The following PARD3 variants were observed in gnomAD, a reference collection of about 807,000 sequenced individuals.
The protein encoded by PARD3 is partitioning defective 3 homolog.
A neutral mutation model predicts 155.4 loss-of-function variants in PARD3; 75 were observed. The ratio of observed to expected loss-of-function variants is 0.48; its 90% CI spans 0.40 to 0.58. The LOEUF is 0.58. Among genes scored for constraint, PARD3 ranks in the 20% least tolerant of loss-of-function variants. PARD3 has a pLI of 0.00. For missense variants in PARD3, 1,642 were observed against 1,721.7 expected, an observed-to-expected ratio of 0.95 and a Z score of 0.82; for synonymous variants, 576 against 610.5, an observed-to-expected ratio of 0.94 and a Z score of 0.83.
intron 12 of PARD3, among the ~76,000 whole-genome samples, chr10:34,365,019 AC>A (rs1160354434): frequency 2.0e-5 from 3 of 152,194 alleles, no homozygotes. Context: ...GATATTTAAT[AC>A]TGGTGTGGTG....
chr10:34,429,177 T>G (rs185951051), intron 5 of PARD3, among the ~76,000 whole-genome samples: 13 of 151,996 alleles, frequency 8.6e-5, no homozygotes, highest in Admixed American at 2.6e-4. Context: ...AAAAAGAAAA[T>G]AAAATCTCAG....
At chr10:34,591,152 C>T (rs962061154) in intron 2 of PARD3, among the ~76,000 whole-genome samples, 7 of 152,076 alleles carry the variant, frequency 4.6e-5, no homozygotes, top group African/African-American at 1.7e-4. Context: ...TCACCCCCTC[C>T]CCATCCCACT....
In PARD3 at chr10:34,317,138, C is replaced by G. The variant is rs771276966; in HGVS notation, c.3034G>C (p.Gly1012Arg). ...KEKDKMKAKK[G>R]MLKGLGDMFR... ...ATGTCTCCCAAGCCCTTCAGCATTC[C>G]CTTCTTGGCTTTCATTTTATCCTTC... The change falls in exon 20 of 25, where the codon GGA (glycine) becomes CGA (arginine). Residue 1012 changes from glycine (G) to arginine (R), a missense_variant. This residue lies in a region of PARD3 where 1,529 missense variants were observed against 1,587.3 expected (regional missense o/e 0.96). Transcript: ENST00000374788. 1.1e-5 allele frequency: 17 copies of G among 1,569,062 alleles called. No homozygotes were observed. The highest frequency in any genetic ancestry group is 4.3e-6 in the Non-Finnish European group (5 of 1,155,826).
At chr10:34,451,563 T>G (rs2077059007) in intron 4 of PARD3, among the ~76,000 whole-genome samples, 1 of 152,136 alleles carries the variant, frequency 6.6e-6, no homozygotes, top group African/African-American at 2.4e-5. Flanking sequence ...TATTTGCTCT[T>G]CCTTCATGAG....
At chr10:34,407,149 T>C (rs945237205) in intron 5 of PARD3, among the ~76,000 whole-genome samples, 1 of 152,212 alleles carries the variant, frequency 6.6e-6, no homozygotes, top group Non-Finnish European at 1.5e-5. Context: ...GCTGTTCATT[T>C]TTATGATAAG....
chr10:34,567,877 G>A (rs1356212655), intron 2 of PARD3, among the ~76,000 whole-genome samples: 1 of 151,562 alleles, frequency 6.6e-6, no homozygotes, highest in Non-Finnish European at 1.5e-5. Context: ...ATCGTGAGAT[G>A]TAATTGTTGT....
At chr10:34,328,142 T>C (rs556265325) in intron 19 of PARD3, among the ~76,000 whole-genome samples, 1 of 152,318 alleles carries the variant, frequency 6.6e-6, no homozygotes, top group East Asian at 1.9e-4. Flanking sequence ...AACACCACAT[T>C]TGATAGACAA....
chr10:34,212,675 AG>A (rs1372273897), intron 22 of PARD3, among the ~76,000 whole-genome samples: 3 of 148,630 alleles, frequency 2.0e-5, no homozygotes, highest in African/African-American at 4.9e-5. Flanking sequence ...GGGGGTTCTG[AG>A]GGGGGCAAAG....
At chr10:34,243,043 C>T (rs995142828) in intron 22 of PARD3, among the ~76,000 whole-genome samples, 2 of 152,326 alleles carry the variant, frequency 1.3e-5, no homozygotes, top group African/African-American at 4.8e-5. Context: ...CTGTGTTGCG[C>T]TGGTGTTAAC....
intron 3 of PARD3, among the ~76,000 whole-genome samples, chr10:34,479,623 C>T (rs1050095553): frequency 1.3e-5 from 2 of 152,280 alleles, no homozygotes; most frequent in Admixed American, 6.5e-5. Flanking sequence ...CAGCCACTGC[C>T]GGTGCCCTGT....
At chr10:34,420,321 G>A (rs1846068147) in intron 5 of PARD3, among the ~76,000 whole-genome samples, 1 of 152,150 alleles carries the variant, frequency 6.6e-6, no homozygotes, top group Admixed American at 6.6e-5. Context: ...AAATATTTCT[G>A]TAGATACGTG....
chr10:34,270,617 A>G (rs928791806), intron 21 of PARD3, among the ~76,000 whole-genome samples: 2 of 152,180 alleles, frequency 1.3e-5, no homozygotes, highest in African/African-American at 2.4e-5. Flanking sequence ...TGTAATATAT[A>G]CCTATCTTAC....
chr10:34,742,502 G>A (rs1257088048), intron 1 of PARD3, among the ~76,000 whole-genome samples: 1 of 152,136 alleles, frequency 6.6e-6, no homozygotes, highest in East Asian at 1.9e-4. Context: ...AGACCCTACA[G>A]GCCAAGTTCT....
At chr10:34,378,766 C>A (rs1185243230) in intron 9 of PARD3, among the ~76,000 whole-genome samples, 1 of 152,186 alleles carries the variant, frequency 6.6e-6, no homozygotes, top group Non-Finnish European at 1.5e-5. Flanking sequence ...GACTCCATCT[C>A]AGATCATGGC....
chr10:34,353,289 G>A (rs1838389498), intron 14 of PARD3, among the ~76,000 whole-genome samples: 1 of 152,204 alleles, frequency 6.6e-6, no homozygotes, highest in Middle Eastern at 3.2e-3. Context: ...GGGAAATGTG[G>A]GGAAAAGAAA....
intron 22 of PARD3, among the ~76,000 whole-genome samples, chr10:34,238,873 C>T (rs1953401681): frequency 6.6e-6 from 1 of 152,190 alleles, no homozygotes; most frequent in South Asian, 2.1e-4. Flanking sequence ...TTAATAACTG[C>T]ACTGTACAGC....
intron 15 of PARD3, among the ~76,000 whole-genome samples, chr10:34,342,102 T>G (rs1274472451): frequency 1.3e-5 from 2 of 152,210 alleles, no homozygotes; most frequent in African/African-American, 2.4e-5. Flanking sequence ...CTCAAATGTC[T>G]TATAATGTGA....
chr10:34,554,125 G>T (rs1287530837), intron 2 of PARD3, among the ~76,000 whole-genome samples: 1 of 152,124 alleles, frequency 6.6e-6, no homozygotes, highest in African/African-American at 2.4e-5. Context: ...TTAAAAGGAG[G>T]AAATAATTCC....
chr10:34,587,638 GGTGATATTCT>G (rs1183865147), intron 2 of PARD3, among the ~76,000 whole-genome samples: 27 of 152,236 alleles, frequency 1.8e-4, no homozygotes, highest in African/African-American at 6.0e-4. Flanking sequence ...TGGTGTTGGT[GGTGATATTCT>G]GTGTTTTAGA....
Sources: gnomAD v4.1 joint callset for allele counts (sites outside exome capture counted in the v4.1 genomes callset) on GRCh38, gnomAD v4.1.1 for gene constraint, gnomAD v4.1.1 regional missense constraint, MANE v1.5 for transcripts, NCBI Gene and HGNC (gene_info 2026-07-23, HGNC 2026-07-21) for gene names.